Variants in DOK6 observed in about 807,000 individuals in gnomAD.
DOK6 encodes downstream of tyrosine kinase 6.
DOK6 carries 22 observed loss-of-function variants against 44.0 expected under a neutral mutation model. The observed-to-expected ratio is 0.50, with a 90% CI of 0.36 to 0.71. The LOEUF (loss-of-function observed/expected upper bound fraction) is 0.71, where lower values mean the gene tolerates loss of function less well. Among genes scored for constraint, DOK6 ranks in the 30% least tolerant of loss-of-function variants. The pLI is 0.00. For missense variants in DOK6, 340 were observed against 416.4 expected, an observed-to-expected ratio of 0.82 and a Z score of 1.60; for synonymous variants, 166 against 145.5, an observed-to-expected ratio of 1.14 and a Z score of -1.01.
intron 7 of DOK6, among the ~76,000 whole-genome samples, chr18:69,776,054 C>T (rs1980052636): frequency 6.6e-6 from 1 of 151,836 alleles, no homozygotes; most frequent in African/African-American, 2.4e-5. Flanking sequence ...TAAATAACAA[C>T]CATTTCATGT....
chr18:69,811,378 A>C (rs1981219675), intron 7 of DOK6, among the ~76,000 whole-genome samples: 1 of 151,784 alleles, frequency 6.6e-6, no homozygotes, highest in South Asian at 2.1e-4. Flanking sequence ...CAAGTTCAAG[A>C]GATCTATTGT....
intron 7 of DOK6, among the ~76,000 whole-genome samples, chr18:69,775,449 AG>A (rs1306039845): frequency 6.6e-5 from 10 of 151,946 alleles, no homozygotes; most frequent in African/African-American, 2.2e-4. Flanking sequence ...AAGAAATGGA[AG>A]GTAATAAAAA....
rs552087193 is a variant in DOK6 at position 69,516,071 on chromosome 18, G to GTA, written c.67-48415_67-48414dup. On this transcript the variant is annotated intron_variant, in intron 1 of 7. Transcript: ENST00000382713. The stretch of plus-strand genomic sequence containing the variant: ...TTAAGTTTCTATTTCAGAGAAGTTT[G>GTA]TAAGACATTTGCAAGCATACTGAAA... Among the ~76,000 whole-genome samples the GTA allele has an allele frequency of 2.6e-3, 397 of 152,268 alleles. 1 individual carries two copies. The highest frequency in any genetic ancestry group is 0.015 in the South Asian group (72 of 4,814).
chr18:69,508,689 TAA>T (rs1981263356), intron 1 of DOK6, among the ~76,000 whole-genome samples: 3 of 152,178 alleles, frequency 2.0e-5, no homozygotes, highest in African/African-American at 7.2e-5. Flanking sequence ...AGTTTGGCAC[TAA>T]GTGTATTTAT....
At chr18:69,651,118 C>T (rs1985213754) in intron 3 of DOK6, among the ~76,000 whole-genome samples, 2 of 152,168 alleles carry the variant, frequency 1.3e-5, no homozygotes, top group African/African-American at 4.8e-5. Context: ...AAGTCATCAT[C>T]ATAGCATGCT....
chr18:69,741,520 C>A (rs1978797817), intron 6 of DOK6, among the ~76,000 whole-genome samples: 1 of 152,042 alleles, frequency 6.6e-6, no homozygotes, highest in Non-Finnish European at 1.5e-5. Context: ...TTTTTTGAGA[C>A]AGGGTCTCGC....
intron 1 of DOK6, among the ~76,000 whole-genome samples, chr18:69,464,103 T>G (rs1268861215): frequency 6.6e-6 from 1 of 152,184 alleles, no homozygotes; most frequent in African/African-American, 2.4e-5. Context: ...TATCCTGGGC[T>G]TTAAACATAA....
At chr18:69,573,274 C>T (rs971491713) in intron 2 of DOK6, among the ~76,000 whole-genome samples, 4 of 151,610 alleles carry the variant, frequency 2.6e-5, no homozygotes, top group African/African-American at 7.3e-5. Flanking sequence ...AATGAAGCGG[C>T]AAAACAGCAT....
chr18:69,763,020 A>G (rs1238964738), intron 7 of DOK6, among the ~76,000 whole-genome samples: 1 of 151,902 alleles, frequency 6.6e-6, no homozygotes, highest in African/African-American at 2.4e-5. Flanking sequence ...CCTCAATTGG[A>G]GAATAAGAAT....
chr18:69,435,468 A>G (rs760954082), intron 1 of DOK6, among the ~76,000 whole-genome samples: 32 of 152,336 alleles, frequency 2.1e-4, no homozygotes, highest in Admixed American at 6.5e-5. Context: ...CATAATAAAA[A>G]TAGAGATGAA....
chr18:69,685,918 T>C (rs1986143006), intron 4 of DOK6, among the ~76,000 whole-genome samples: 1 of 152,176 alleles, frequency 6.6e-6, no homozygotes, highest in Non-Finnish European at 1.5e-5. Flanking sequence ...GTTAAACCTC[T>C]TTTCTGTATT....
At chr18:69,639,552 T>C (rs1984889913) in intron 3 of DOK6, among the ~76,000 whole-genome samples, 1 of 152,174 alleles carries the variant, frequency 6.6e-6, no homozygotes, top group Non-Finnish European at 1.5e-5. Context: ...CGTGCAGCCT[T>C]TTCATGGTTC....
chr18:69,613,697 A>C (rs1984217002), intron 3 of DOK6, among the ~76,000 whole-genome samples: 1 of 152,070 alleles, frequency 6.6e-6, no homozygotes, highest in Admixed American at 6.5e-5. Context: ...TCAGCATATG[A>C]AACCTAAAAA....
At chr18:69,717,478 G>A (rs1429841284) in intron 5 of DOK6, among the ~76,000 whole-genome samples, 1 of 152,182 alleles carries the variant, frequency 6.6e-6, no homozygotes, top group Non-Finnish European at 1.5e-5. Flanking sequence ...ATTTAAGCAT[G>A]ATGAGGTCAA....
At chr18:69,577,734 G>C (rs1983271883) in intron 2 of DOK6, among the ~76,000 whole-genome samples, 1 of 152,150 alleles carries the variant, frequency 6.6e-6, no homozygotes, top group African/African-American at 2.4e-5. Context: ...AGATTAGCGA[G>C]AGGCACTAGG....
intron 6 of DOK6, among the ~76,000 whole-genome samples, chr18:69,748,797 A>G (rs768705004): frequency 2.0e-5 from 3 of 152,136 alleles, no homozygotes; most frequent in Non-Finnish European, 2.9e-5. Flanking sequence ...CAGTCATCCT[A>G]TTACTGGATG....
chr18:69,643,382 C>T (rs1310720109), intron 3 of DOK6, among the ~76,000 whole-genome samples: 2 of 152,202 alleles, frequency 1.3e-5, no homozygotes, highest in Non-Finnish European at 2.9e-5. Flanking sequence ...ATTCCAACTC[C>T]ACAGGGAGTC....
chr18:69,665,752 T>C (rs1045821236), intron 3 of DOK6, among the ~76,000 whole-genome samples: 1 of 152,220 alleles, frequency 6.6e-6, no homozygotes, highest in African/African-American at 2.4e-5. Context: ...TTTTGTGATC[T>C]ATTTGATTTT....
intron 1 of DOK6, among the ~76,000 whole-genome samples, chr18:69,471,356 A>T (rs1379095413): frequency 6.6e-6 from 1 of 151,500 alleles, no homozygotes; most frequent in African/African-American, 2.4e-5. Flanking sequence ...TGGATCAGGA[A>T]AGTGCTTTCG....
Sources: gnomAD v4.1 joint callset for allele counts (sites outside exome capture counted in the v4.1 genomes callset) on GRCh38, gnomAD v4.1.1 for gene constraint, MANE v1.5 for transcripts, NCBI Gene and HGNC (gene_info 2026-07-23, HGNC 2026-07-21) for gene names.